The following TBC1D24 variants were observed in gnomAD, a reference collection of about 807,000 sequenced individuals.
The protein encoded by TBC1D24 is Infantile myoclonic epilepsy.
Under a neutral mutation model 50.7 loss-of-function variants are expected in TBC1D24, and 47 were observed. The ratio of observed to expected loss-of-function variants is 0.93; its 90% CI spans 0.73 to 1.18. The LOEUF (loss-of-function observed/expected upper bound fraction) is 1.18, where lower values mean the gene tolerates loss of function less well. TBC1D24 is among the 50% of genes most tolerant of loss of function. TBC1D24 has a pLI of 0.00. For missense variants in TBC1D24, 688 were observed against 766.5 expected (o/e 0.90, Z 1.21); for synonymous variants, 324 against 335.2 (o/e 0.97, Z 0.36).
At chr16:2,492,007 T>G (rs1596963979) in intron 1 of TBC1D24, among the ~76,000 whole-genome samples, 1 of 152,136 alleles carries the variant, frequency 6.6e-6, no homozygotes, top group East Asian at 1.9e-4. Flanking sequence ...CCTGGCCATT[T>G]TTTTTTATTT....
chr16:2,480,946 C>T (rs2141853479), intron 1 of TBC1D24: 1 of 152,356 alleles, frequency 6.6e-6, no homozygotes, highest in African/African-American at 2.4e-5. Flanking sequence ...TAGTCAGAGC[C>T]CCAAAGGACA....
In TBC1D24 at chr16:2,499,970, C is replaced by G; in HGVS notation, c.1302+40C>G. 1 of 1,580,172 alleles carries G rather than the reference C, an allele frequency of 6.3e-7. No homozygotes were observed. On this transcript the variant is annotated intron_variant, in intron 6 of 7. Transcript: ENST00000646147. This position sits in a 1 kb window ranked among gnomAD's most constrained non-coding sequence, Gnocchi z 4.0. The stretch of plus-strand genomic sequence containing the variant: ...GTGTCCCCAAACCCCCACGCAGACC[C>G]TGTAGCTGCATCCCTCCAGGAGCAC...
chr16:2,496,684 C>T lies in TBC1D24; in HGVS notation c.536C>T (p.Ser179Phe). Reference protein sequence around the residue: ...IDQSFLAFESSCMTFGDLVNK... With the variant: ...IDQSFLAFESFCMTFGDLVNK... The stretch of plus-strand genomic sequence containing the variant: ...CAGAGCTTCCTGGCCTTTGAGTCGT[C>T]CTGCATGACGTTTGGGGACCTGGTG... The change falls in exon 2 of 8, where the codon TCC (serine) becomes TTC (phenylalanine). Residue 179 changes from serine (S) to phenylalanine (F), a missense_variant. Transcript: ENST00000646147. 6.2e-7 allele frequency: 1 copy of T among 1,613,424 alleles called. No homozygotes were observed. Among genetic ancestry groups the T allele is most frequent in the South Asian group, 1.1e-5 (1 of 91,086 alleles).
At chr16:2,484,641 G>A (rs2065634988) in intron 1 of TBC1D24, 1 of 152,308 alleles carries the variant, frequency 6.6e-6, no homozygotes, top group Admixed American at 6.5e-5. Context: ...AGAAAGAACG[G>A]GTACACCTGA....
chr16:2,495,977 T>C, intron 1 of TBC1D24, 57 bp from the exon 2 acceptor site: 1 of 839,586 alleles, frequency 1.2e-6, no homozygotes, highest in South Asian at 1.7e-5. Flanking sequence ...AAAAATACGT[T>C]CTTTAAAATG....
rs370614433 is a variant in TBC1D24, at chr16:2,496,839, G to A, written c.691G>A (p.Val231Ile). ...CTGCTACTTCGCCCGGGTCTTTGAC[G>A]TCTTCCTGGTGGAGGGCTACAAGGT... ...PLCYFARVFDVFLVEGYKVLY... is the reference protein window; with the variant it reads ...PLCYFARVFDIFLVEGYKVLY... Residue 231 changes from valine to isoleucine, a missense_variant, in exon 2 of 8, where the codon GTC becomes ATC. By Grantham distance (29) the Val-to-Ile change is conservative. Transcript: ENST00000646147. 5.6e-6 allele frequency: 9 copies of A among 1,614,092 alleles called. No individual in the cohort carries two copies. The highest frequency in any genetic ancestry group is 3.3e-5 in the Admixed American group (2 of 60,032).
rs796205124 is a variant in TBC1D24 at position 2,485,797 on chromosome 16, C to T, written c.-115-10237C>T. The stretch of plus-strand genomic sequence containing the variant: ...ATCTTCTGGGTCGCAGATCCTGTGC[C>T]GATTGCGGTGCTGGCGTCAGAGCAG... On this transcript the variant is annotated intron_variant, in intron 1 of 7. Coordinates refer to ENST00000646147, the MANE Select transcript of TBC1D24 (RefSeq NM_001199107.2). The surrounding 1 kb of genome is among the most constrained non-coding windows in gnomAD (Gnocchi z 4.6). Among the ~76,000 whole-genome samples, 40 of 152,304 alleles carry T rather than the reference C, an allele frequency of 2.6e-4. No individual in the cohort carries two copies. The highest frequency in any genetic ancestry group is 9.1e-4 in the African/African-American group (38 of 41,552).
intron 1 of TBC1D24, chr16:2,478,178 C>G (rs758430147): frequency 2.0e-5 from 3 of 152,304 alleles, no homozygotes; most frequent in African/African-American, 4.8e-5. Flanking sequence ...CAGCCAGGCC[C>G]GGGGGCTCAC....
In TBC1D24 at chr16:2,500,315, C is replaced by T. The variant is rs375320196; in HGVS notation, c.1350C>T (p.Pro450=). The T allele has an allele frequency of 2.2e-5, 35 of 1,610,778 alleles. No homozygotes were observed. The highest frequency in any genetic ancestry group is 1.8e-4 in the East Asian group (8 of 44,758). The change falls in exon 7 of 8, where the codon CCC becomes CCT. Residue 450 remains proline, a synonymous_variant. Coordinates refer to ENST00000646147, the MANE Select transcript of TBC1D24 (RefSeq NM_001199107.2). This position sits in a 1 kb window ranked among gnomAD's most constrained non-coding sequence, Gnocchi z 8.0. ...QRYEWVVIKH[P]ELTKPPPLMA... is the part of the protein sequence containing the mutation. Reference sequence around the variant, plus strand: ...ACGAGTGGGTGGTGATCAAGCACCCCGAGCTGACCAAGCCCCCACCCTTGA... The same window carrying T: ...ACGAGTGGGTGGTGATCAAGCACCCTGAGCTGACCAAGCCCCCACCCTTGA...
intron 1 of TBC1D24, among the ~76,000 whole-genome samples, chr16:2,494,369 G>A (rs960177696): frequency 2.7e-5 from 4 of 150,036 alleles, no homozygotes; most frequent in Admixed American, 6.6e-5. Flanking sequence ...CCGAGATTAC[G>A]CCACTGCACT....
intron 1 of TBC1D24, chr16:2,484,722 G>C (rs1596957230): frequency 6.6e-6 from 1 of 152,370 alleles, no homozygotes; most frequent in African/African-American, 2.4e-5. Flanking sequence ...CCAGGGCTGA[G>C]GCCTAGGGCG....
rs1178376962 is a variant in TBC1D24, at chr16:2,487,735, G to C, written c.-115-8299G>C. The stretch of plus-strand genomic sequence containing the variant: ...TGGAGTTTGGTGTTTGGGGATGGCA[G>C]GTGGTGTTACTAGTGGCAGCCTTGC... On this transcript the variant is annotated intron_variant, in intron 1 of 7. Coordinates refer to ENST00000646147, the MANE Select transcript of TBC1D24 (RefSeq NM_001199107.2). The surrounding 1 kb of genome is among the most constrained non-coding windows in gnomAD (Gnocchi z 4.1). Among the ~76,000 whole-genome samples, 2 of 151,938 alleles carry C rather than the reference G, an allele frequency of 1.3e-5. No homozygotes were observed. The highest frequency in any genetic ancestry group is 2.1e-4 in the South Asian group (1 of 4,826).
chr16:2,504,681 AG>A lies in TBC1D24; in HGVS notation c.*3724del, dbSNP rs1015856750. ...TGATCTGCCCTCCTCGGCCTCCCAA[AG>A]TGCTGGGATTACAGGCGTGAGCAAC... On this transcript the variant is annotated 3_prime_UTR_variant, in exon 8 of 8. Transcript: ENST00000646147. 39 of 152,042 alleles carry A rather than the reference AG, an allele frequency of 2.6e-4. No homozygotes were observed. Among genetic ancestry groups the A allele is most frequent in the African/African-American group, 8.9e-4 (37 of 41,394 alleles). 9.4% of individuals were successfully genotyped at this position (152,042 alleles called of 1,614,324 possible).
Position 2,485,255 on chromosome 16 carries a change from T to G in TBC1D24, c.-116+10085T>G, listed in dbSNP as rs1281725287. The G allele has an allele frequency of 1.3e-5, 2 of 152,144 alleles. No individual in the cohort carries two copies. Among genetic ancestry groups the G allele is most frequent in the African/African-American group, 4.8e-5 (2 of 41,400 alleles). 9.4% of individuals were successfully genotyped at this position (152,144 alleles called of 1,614,324 possible). ...CAAGGCAGGATTAGCGGGTTAGAAC[T>G]TTCAGCCCCACCCCCAACCGCGGGG... On this transcript the variant is annotated intron_variant, in intron 1 of 7. Coordinates refer to ENST00000646147, the MANE Select transcript of TBC1D24 (RefSeq NM_001199107.2). This position sits in a 1 kb window ranked among gnomAD's most constrained non-coding sequence, Gnocchi z 4.6.
At chr16:2,497,331 G>C (rs947170903) in intron 2 of TBC1D24, among the ~76,000 whole-genome samples, 1 of 152,226 alleles carries the variant, frequency 6.6e-6, no homozygotes, top group Non-Finnish European at 1.5e-5. Context: ...CCAGGCCCAC[G>C]GCTGAGATGA....
intron 2 of TBC1D24, among the ~76,000 whole-genome samples, chr16:2,497,503 A>G (rs968374773): frequency 2.0e-5 from 3 of 152,180 alleles, no homozygotes; most frequent in Non-Finnish European, 2.9e-5. Flanking sequence ...GCACAGCCCC[A>G]GGGGAGCAGG....
chr16:2,493,208 G>C (rs932715808), intron 1 of TBC1D24, among the ~76,000 whole-genome samples: 1 of 151,582 alleles, frequency 6.6e-6, no homozygotes, highest in Non-Finnish European at 1.5e-5. Flanking sequence ...GCACAATCTC[G>C]GCTCACTGCA....
Position 2,482,662 on chromosome 16 carries a change from C to G in TBC1D24, c.-116+7492C>G, listed in dbSNP as rs2065618556. ...GTGGGCAGGAGGCTGGGAGTGGGAG[C>G]TGAATTGCGCTGGAGTCACATGGAG... is the stretch of plus-strand genomic sequence containing the variant. On this transcript the variant is annotated intron_variant, in intron 1 of 7. Transcript: ENST00000646147. This position sits in a 1 kb window ranked among gnomAD's most constrained non-coding sequence, Gnocchi z 5.2. 6.6e-6 allele frequency among the ~76,000 whole-genome samples: 1 copy of G among 152,064 alleles called. No individual in the cohort carries two copies.
rs2065660755 is a variant in TBC1D24, at chr16:2,487,591, CCTGGAGTTTGGTGCTGGAGTTTTGTG to C, written c.-115-8429_-115-8404del. Among the ~76,000 whole-genome samples, 1 of 151,788 alleles carries C rather than the reference CCTGGAGTTTGGTGCTGGAGTTTTGTG, an allele frequency of 6.6e-6. No individual in the cohort carries two copies. The highest frequency in any genetic ancestry group is 6.6e-5 in the Admixed American group (1 of 15,250). On this transcript the variant is annotated intron_variant, in intron 1 of 7. Transcript: ENST00000646147. The surrounding 1 kb of genome is among the most constrained non-coding windows in gnomAD (Gnocchi z 4.1). ...AGGCCTCGTGACTCAGGCTGTCAGG[CCTGGAGTTTGGTGCTGGAGTTTTGTG>C]CTGGAGTTTGGTGTTGGAGTTTGGT...
Sources: allele counts gnomAD v4.1 joint callset (sites outside exome capture counted in the v4.1 genomes callset), GRCh38; gene constraint gnomAD v4.1.1; non-coding constraint Gnocchi (gnomAD v3.1); transcripts MANE v1.5; gene names NCBI Gene and HGNC (gene_info 2026-07-23, HGNC 2026-07-21).